BCLAF1: variants seen among roughly 807,000 people sequenced by gnomAD.
The protein encoded by BCLAF1 is BCL2 associated transcription factor 1.
BCLAF1 carries 10 observed loss-of-function variants against 99.5 expected under a neutral mutation model. The ratio of observed to expected loss-of-function variants is 0.10; its 90% CI spans 0.06 to 0.17. The LOEUF is 0.17. Ranked by LOEUF, BCLAF1 falls within the 10% of genes least tolerant of loss-of-function variation. The probability of loss-of-function intolerance (pLI) is 1.00; values close to 1 mark genes in which losing one functional copy is unlikely to be tolerated. For missense variants in BCLAF1, 636 were observed against 1,105.8 expected, an observed-to-expected ratio of 0.58 and a Z score of 6.02; for synonymous variants, 255 against 370.9, an observed-to-expected ratio of 0.69 and a Z score of 3.59.
At chr6:136,271,758 A>AT (rs112079871) in intron 8 of BCLAF1, among the ~76,000 whole-genome samples, 2 of 151,312 alleles carry the variant, frequency 1.3e-5, no homozygotes, top group Admixed American at 6.6e-5. Context: ...TCTTAGGACT[A>AT]TTTTTTTTCC....
rs1031583022 is a variant in BCLAF1, at chr6:136,259,558, A to C, written c.*1552T>G. On this transcript the variant is annotated 3_prime_UTR_variant, in exon 13 of 13. Transcript: ENST00000531224. ...TCTGCTTTAATAGACAATTTTAGAA[A>C]GACATGTTAACGGGGGAAAATCACA... is the stretch of plus-strand genomic sequence containing the variant. 1.1e-4 allele frequency: 16 copies of C among 152,040 alleles called. No homozygotes were observed. Among genetic ancestry groups the C allele is most frequent in the Non-Finnish European group, 2.2e-4 (15 of 67,900 alleles). The allele number at this position is 152,040 out of a possible 1,614,324, so 9.4% of individuals were successfully genotyped here.
rs914615611 is a variant in BCLAF1 at position 136,260,183 on chromosome 6, G to A, written c.*927C>T. 2 of 152,002 alleles carry A rather than the reference G, an allele frequency of 1.3e-5. No individual in the cohort carries two copies. The highest frequency in any genetic ancestry group is 4.8e-5 in the African/African-American group (2 of 41,420). The allele number at this position is 152,002 out of a possible 1,614,324, so 9.4% of individuals were successfully genotyped here. ...ATGTTCAGCTCAAATAAATATGTAA[G>A]ATATGAAATCAGGTACTAATGTATC... On this transcript the variant is annotated 3_prime_UTR_variant, in exon 13 of 13. Transcript: ENST00000531224.
chr6:136,274,239 AAAGT>A (rs1375948529), intron 6 of BCLAF1: 31 of 1,041,836 alleles, frequency 3.0e-5, no homozygotes, highest in Non-Finnish European at 3.8e-5. Flanking sequence ...AGCTCTATAT[AAAGT>A]AAGAGCTGTT....
At chr6:136,284,938 G>C (rs1166664505) in intron 1 of BCLAF1, among the ~76,000 whole-genome samples, 1 of 152,140 alleles carries the variant, frequency 6.6e-6, no homozygotes, top group Non-Finnish European at 1.5e-5. Context: ...TGGGCCTAAA[G>C]ACAGGGAACA....
intron 1 of BCLAF1, 135 bp downstream of exon 1, chr6:136,289,578 C>T (rs1282388189): frequency 6.6e-6 from 1 of 152,306 alleles, no homozygotes; most frequent in African/African-American, 2.4e-5. Flanking sequence ...CGAAAAAACG[C>T]ATAAATAACG....
At chr6:136,270,591 C>CA (rs986159539) in intron 8 of BCLAF1, among the ~76,000 whole-genome samples, 1 of 151,690 alleles carries the variant, frequency 6.6e-6, no homozygotes, top group Non-Finnish European at 1.5e-5. Flanking sequence ...TAATCAAGAG[C>CA]AAAAAAACCT....
At position 136,278,681 on chromosome 6, in the gene BCLAF1, A is replaced by C; in HGVS notation, c.200T>G (p.Met67Arg). ...YRRDYRNNRG[M>R]RRPYGYRGRG... ...TCCTCTGTACCCATAAGGTCGTCTC[A>C]TTCCTCTATTATTTCTGTAATCGCG... Residue 67 changes from methionine to arginine, a missense_variant, in exon 4 of 13, where the codon ATG (methionine) becomes AGG (arginine). Transcript: ENST00000531224. 1 of 1,613,426 alleles carries C rather than the reference A, an allele frequency of 6.2e-7. No individual in the cohort carries two copies. Among genetic ancestry groups the C allele is most frequent in the African/African-American group, 1.3e-5 (1 of 74,962 alleles).
intron 4 of BCLAF1, among the ~76,000 whole-genome samples, 158 bp from the exon 5 acceptor site, chr6:136,276,666 A>G (rs1351704882): frequency 1.3e-5 from 2 of 152,218 alleles, no homozygotes; most frequent in Non-Finnish European, 2.9e-5. Context: ...AAATCATTGA[A>G]AGCATCCATA....
intron 6 of BCLAF1, among the ~76,000 whole-genome samples, chr6:136,274,385 G>C (rs1325960031): frequency 6.7e-6 from 1 of 149,548 alleles, no homozygotes; most frequent in Non-Finnish European, 1.5e-5. Context: ...AAAATGTGGA[G>C]CTAGGCCAAA....
chr6:136,277,808 C>T (rs966025855), intron 4 of BCLAF1, 57 bp downstream of exon 4: 9 of 1,525,548 alleles, frequency 5.9e-6, no homozygotes, highest in Non-Finnish European at 7.9e-6. Context: ...TAATTCCAAA[C>T]AGAATTCAAA....
chr6:136,257,584 A>G lies in BCLAF1; in HGVS notation c.*3526T>C, dbSNP rs1015963035. The G allele has an allele frequency of 2.6e-5, 4 of 152,192 alleles. No homozygotes were observed. The highest frequency in any genetic ancestry group is 9.6e-5 in the African/African-American group (4 of 41,466). The allele number at this position is 152,192 out of a possible 1,614,324, so 9.4% of individuals were successfully genotyped here. A position where few individuals can be genotyped will look rare whatever the true frequency, so the allele number is the denominator to read the frequency against. On this transcript the variant is annotated 3_prime_UTR_variant, in exon 13 of 13. Transcript: ENST00000531224. ...TAAACTTCATTAGGACAGTGTACTA[A>G]TTTTTAGTATCTACCCCAATAAAAT... is the stretch of plus-strand genomic sequence containing the variant.
At position 136,275,949 on chromosome 6, in the gene BCLAF1, T is replaced by C. The variant is rs1308527541; in HGVS notation, c.1576A>G (p.Thr526Ala). 5.0e-6 allele frequency: 8 copies of C among 1,612,790 alleles called. No homozygotes were observed. Among genetic ancestry groups the C allele is most frequent in the South Asian group, 2.2e-5 (2 of 90,968 alleles). Residue 526 changes from threonine to alanine, a missense_variant, in exon 5 of 13, where the codon ACC (threonine) becomes GCC (alanine). Physicochemically the swap from Thr to Ala is moderately conservative, Grantham distance 58. Around this residue, in one of 9 missense-constraint regions of BCLAF1, gnomAD observed 186 missense variants for 275.3 expected, o/e 0.68. Coordinates refer to ENST00000531224, the MANE Select transcript of BCLAF1 (RefSeq NM_014739.3). ...HKNLDAREKS[T>A]FREESPLRIK... ...CTAAGTGGGCTTTCCTCTCTGAAGG[T>C]AGACTTTTCTCGTGCATCCAGATTC... is the stretch of plus-strand genomic sequence containing the variant.
chr6:136,273,049 C>T (rs79992381), intron 7 of BCLAF1, 33 bp downstream of exon 7: 56,447 of 1,524,124 alleles, frequency 0.037, 1,222 homozygotes, highest in Non-Finnish European at 0.042. Flanking sequence ...ATCAAAACAA[C>T]GTTTTTATAT....
chr6:136,286,283 C>T (rs1234132857), intron 1 of BCLAF1, among the ~76,000 whole-genome samples: 3 of 152,204 alleles, frequency 2.0e-5, no homozygotes, highest in African/African-American at 7.2e-5. Flanking sequence ...TTTTCAAATC[C>T]TAAAAATATA....
chr6:136,277,695 A>G (rs1485541841), intron 4 of BCLAF1, among the ~76,000 whole-genome samples, 170 bp downstream of exon 4: 3 of 152,174 alleles, frequency 2.0e-5, no homozygotes, highest in Non-Finnish European at 4.4e-5. Flanking sequence ...CTTAGCTTCC[A>G]AAGTTCACCA....
Position 136,259,696 on chromosome 6 carries a change from C to T in BCLAF1, c.*1414G>A, listed in dbSNP as rs1780740564. The stretch of plus-strand genomic sequence containing the variant: ...GGCTGTAATCTAGGTGCTAGACGCA[C>T]TGCAAATCCTCGAAAGTGTTTAAGA... On this transcript the variant is annotated 3_prime_UTR_variant, in exon 13 of 13. Transcript: ENST00000531224. 6.6e-6 allele frequency: 1 copy of T among 151,998 alleles called. No homozygotes were observed. The highest frequency in any genetic ancestry group is 2.4e-5 in the African/African-American group (1 of 41,420). 9.4% of individuals were successfully genotyped at this position (151,998 alleles called of 1,614,324 possible).
intron 3 of BCLAF1, 56 bp from the exon 4 acceptor site, chr6:136,278,832 CTAAA>C (rs1172228949): frequency 1.4e-6 from 2 of 1,398,946 alleles, no homozygotes; most frequent in Non-Finnish European, 1.9e-6. Context: ...TGCTACCATT[CTAAA>C]TACTCTGGTT....
chr6:136,263,001 A>G (rs1781226406), intron 11 of BCLAF1, among the ~76,000 whole-genome samples: 2 of 152,178 alleles, frequency 1.3e-5, no homozygotes, highest in Admixed American at 1.3e-4. Context: ...CCAGTGTCTG[A>G]CAAGCAAGCA....
At chr6:136,288,247 T>TTACC (rs1393606950) in intron 1 of BCLAF1, among the ~76,000 whole-genome samples, 3 of 152,194 alleles carry the variant, frequency 2.0e-5, no homozygotes, top group Non-Finnish European at 1.5e-5. Flanking sequence ...CCAAGGTTGT[T>TTACC]TACCATGAGC....
Sources: gnomAD v4.1 joint callset for allele counts (sites outside exome capture counted in the v4.1 genomes callset) on GRCh38, gnomAD v4.1.1 for gene constraint, gnomAD v4.1.1 regional missense constraint, MANE v1.5 for transcripts, NCBI Gene and HGNC (gene_info 2026-07-23, HGNC 2026-07-21) for gene names.